Variants in CHD7 observed in about 807,000 individuals in gnomAD.
The protein encoded by CHD7 is ATP-dependent chromatin remodeler CHD7.
In CHD7, 24 loss-of-function variants were observed where a neutral mutation model predicts 307.3. That is an observed-to-expected ratio of 0.08 (90% CI 0.06 to 0.11). The LOEUF is 0.11. CHD7 is among the 10% of genes least tolerant of loss of function. The pLI, the probability that CHD7 is intolerant of heterozygous loss-of-function variation, is 1.00. For synonymous variants in CHD7, 1,363 were observed against 1,349.9 expected (o/e 1.01, Z -0.21); for missense variants, 3,106 against 3,727.1 (o/e 0.83, Z 4.34).
intron 23 of CHD7, among the ~76,000 whole-genome samples, chr8:60,846,859 C>T (rs555463413): frequency 2.6e-5 from 4 of 152,162 alleles, no homozygotes; most frequent in South Asian, 2.1e-4. Flanking sequence ...GGTTTGAACC[C>T]GAGTAGATGA....
At chr8:60,782,328 G>A (rs766052887) in intron 3 of CHD7, among the ~76,000 whole-genome samples, 51 of 152,316 alleles carry the variant, frequency 3.3e-4, no homozygotes, top group South Asian at 6.2e-4. Flanking sequence ...TACACAGTCA[G>A]TTCTGCATTT....
chr8:60,772,505 C>T (rs1810759448), intron 2 of CHD7, among the ~76,000 whole-genome samples: 1 of 152,174 alleles, frequency 6.6e-6, no homozygotes, highest in Non-Finnish European at 1.5e-5. Context: ...GGAAGCACTG[C>T]TGTTGTCTTT....
intron 37 of CHD7, 54 bp from the exon 38 acceptor site, chr8:60,864,962 T>A: frequency 2.7e-6 from 4 of 1,506,562 alleles, no homozygotes; most frequent in South Asian, 2.5e-5. Context: ...CACATTGAGA[T>A]CAAGTTGTCT....
At chr8:60,750,397 C>T (rs551191887) in intron 2 of CHD7, among the ~76,000 whole-genome samples, 6 of 152,222 alleles carry the variant, frequency 3.9e-5, no homozygotes, top group Admixed American at 2.6e-4. Context: ...CAACCTCCAC[C>T]GAGGTGGAAA....
intron 2 of CHD7, among the ~76,000 whole-genome samples, chr8:60,749,394 A>AAAAAT (rs1809515779): frequency 6.7e-6 from 1 of 149,382 alleles, no homozygotes; most frequent in South Asian, 2.1e-4. Flanking sequence ...AAAAAAAAAA[A>AAAAAT]GGAATTACAA....
chr8:60,781,592 C>T (rs1018219676), intron 3 of CHD7, among the ~76,000 whole-genome samples, 162 bp downstream of exon 3: 10 of 152,152 alleles, frequency 6.6e-5, no homozygotes, highest in African/African-American at 2.4e-4. Context: ...AAGGCTTTTA[C>T]GCATTCTGAA....
intron 2 of CHD7, among the ~76,000 whole-genome samples, chr8:60,753,296 G>A (rs1211436803): frequency 1.3e-5 from 2 of 152,182 alleles, no homozygotes. Flanking sequence ...ATAAGGCGCT[G>A]TGGGAACCCC....
At chr8:60,725,800 A>G (rs756706205) in intron 1 of CHD7, among the ~76,000 whole-genome samples, 2 of 152,196 alleles carry the variant, frequency 1.3e-5, no homozygotes, top group Non-Finnish European at 2.9e-5. Context: ...AATTTGCTTC[A>G]GCTGACTCGC....
chr8:60,779,384 G>A (rs1389549524), intron 2 of CHD7, among the ~76,000 whole-genome samples: 1 of 152,166 alleles, frequency 6.6e-6, no homozygotes, highest in African/African-American at 2.4e-5. Flanking sequence ...GGAAGAGGTG[G>A]ACAGAATCAG....
At chr8:60,706,862 C>T (rs1407059237) in intron 1 of CHD7, among the ~76,000 whole-genome samples, 4 of 151,986 alleles carry the variant, frequency 2.6e-5, no homozygotes, top group Admixed American at 2.0e-4. Flanking sequence ...GATACATGTG[C>T]ACAACATGCA....
In CHD7 at chr8:60,830,597, G is replaced by T. The variant is rs778930641; in HGVS notation, c.3778+20G>T. The T allele has an allele frequency of 3.1e-6, 5 of 1,607,326 alleles. No homozygotes were observed. Among genetic ancestry groups the T allele is most frequent in the Non-Finnish European group, 4.3e-6 (5 of 1,175,132 alleles). Reference sequence around the variant, plus strand: ...TCAATGGTAAGGCTGCCCTGCTCGCGAACTTGCTTAAGTGACGATTGAAGC... The same window carrying T: ...TCAATGGTAAGGCTGCCCTGCTCGCTAACTTGCTTAAGTGACGATTGAAGC... On this transcript the variant is annotated intron_variant, in intron 15 of 37. Coordinates refer to ENST00000423902, the MANE Select transcript of CHD7 (RefSeq NM_017780.4).
Position 60,866,055 on chromosome 8 carries a change from A to G in CHD7, c.*122A>G. The G allele has an allele frequency of 1.1e-6, 1 of 900,838 alleles. No individual in the cohort carries two copies. The highest frequency in any genetic ancestry group is 1.7e-6 in the Non-Finnish European group (1 of 595,742). The allele number at this position is 900,838 out of a possible 1,614,324, so 55.8% of individuals were successfully genotyped here. On this transcript the variant is annotated 3_prime_UTR_variant, in exon 38 of 38. Transcript: ENST00000423902. ...TGTTCTGTAACATAGTGTAGCAAAA[A>G]AAAAAGTTCAAGTCATGTTATACAG... is the stretch of plus-strand genomic sequence containing the variant.
chr8:60,807,275 G>T (rs911246223), intron 6 of CHD7, among the ~76,000 whole-genome samples: 4 of 152,156 alleles, frequency 2.6e-5, no homozygotes, highest in African/African-American at 4.8e-5. Flanking sequence ...TGACCCTCAA[G>T]GCAGGCTTGG....
intron 4 of CHD7, among the ~76,000 whole-genome samples, chr8:60,799,947 T>C (rs1812214923): frequency 6.6e-6 from 1 of 152,166 alleles, no homozygotes; most frequent in African/African-American, 2.4e-5. Context: ...TTTCACATCA[T>C]ATATAGGATT....
chr8:60,741,651 T>G lies in CHD7; in HGVS notation c.219T>G (p.Asn73Lys). ...AGCTGACACATTTTGATCACTATAA[T>G]CAGTATGAACAACAAAAGATGCATC... ...QTKLTHFDHY[N>K]QYEQQKMHLM... is the part of the protein sequence containing the mutation. Residue 73 changes from asparagine (N) to lysine (K), a missense_variant, in exon 2 of 38, where the codon AAT becomes AAG. Physicochemically the swap from Asn to Lys is moderately conservative, Grantham distance 94. Coordinates refer to ENST00000423902, the MANE Select transcript of CHD7 (RefSeq NM_017780.4). The G allele has an allele frequency of 6.2e-7, 1 of 1,613,824 alleles. No individual in the cohort carries two copies. Among genetic ancestry groups the G allele is most frequent in the Non-Finnish European group, 8.5e-7 (1 of 1,179,802 alleles).
intron 6 of CHD7, among the ~76,000 whole-genome samples, chr8:60,805,972 A>G (rs181698509): frequency 1.3e-5 from 2 of 152,314 alleles, no homozygotes; most frequent in South Asian, 2.1e-4. Context: ...TGAAGAATCA[A>G]AGGATCTAGT....
At chr8:60,784,636 G>A (rs975696375) in intron 3 of CHD7, among the ~76,000 whole-genome samples, 1 of 152,190 alleles carries the variant, frequency 6.6e-6, no homozygotes, top group Admixed American at 6.5e-5. Flanking sequence ...TCTCCTCACT[G>A]TCTGGCACCC....
chr8:60,761,557 A>G (rs1419480154), intron 2 of CHD7, among the ~76,000 whole-genome samples: 1 of 151,926 alleles, frequency 6.6e-6, no homozygotes, highest in East Asian at 1.9e-4. Flanking sequence ...GGTACATGGG[A>G]ACTCAAATTC....
intron 21 of CHD7, among the ~76,000 whole-genome samples, chr8:60,842,403 C>A (rs964058902): frequency 6.6e-6 from 1 of 152,148 alleles, no homozygotes; most frequent in Admixed American, 6.5e-5. Flanking sequence ...TTATGACTGT[C>A]GTAAGCTTTT....
Sources: gnomAD v4.1 joint callset for allele counts (sites outside exome capture counted in the v4.1 genomes callset) on GRCh38, gnomAD v4.1.1 for gene constraint, MANE v1.5 for transcripts, NCBI Gene and HGNC (gene_info 2026-07-23, HGNC 2026-07-21) for gene names.